Variants in UBR1 observed in about 807,000 individuals in gnomAD.
UBR1 encodes the protein E3 ubiquitin-protein ligase UBR1.
Under a neutral mutation model 242.1 loss-of-function variants are expected in UBR1, and 102 were observed. That is an observed-to-expected ratio of 0.42 (90% CI 0.36 to 0.50). The LOEUF is 0.50. Among genes scored for constraint, UBR1 ranks in the 20% least tolerant of loss-of-function variants. UBR1 has a pLI of 0.01. For synonymous variants in UBR1, 675 were observed against 684.8 expected, an observed-to-expected ratio of 0.99 and a Z score of 0.22; for missense variants, 1,772 against 2,101.8, an observed-to-expected ratio of 0.84 and a Z score of 3.07.
In UBR1 at chr15:43,094,205, G is replaced by A. The variant is rs999264463; in HGVS notation, c.82-7965C>T. On this transcript the variant is annotated intron_variant, in intron 1 of 46. Transcript: ENST00000290650. ...AACACTTTGGGAGGCTGAGGCGGGC[G>A]GATTACTTGAGGTCAGGAGTTTGAG... Among the ~76,000 whole-genome samples, 4 of 152,052 alleles carry A rather than the reference G, an allele frequency of 2.6e-5. No homozygotes were observed. In the South Asian group the frequency reaches 6.2e-4, roughly 24 times the overall value.
intron 6 of UBR1, among the ~76,000 whole-genome samples, chr15:43,061,891 T>C (rs1029740024): frequency 1.3e-5 from 2 of 151,822 alleles, no homozygotes; most frequent in East Asian, 3.9e-4. Flanking sequence ...CATCAAAATC[T>C]CACAAATCAC....
rs1321733993 is a variant in UBR1, at chr15:42,977,917, G to A, written c.4181C>T (p.Thr1394Ile). The A allele has an allele frequency of 2.5e-6, 4 of 1,613,102 alleles. No homozygotes were observed. The highest frequency in any genetic ancestry group is 2.2e-5 in the East Asian group (1 of 44,752). ...VVLPNIKSED[T>I]PCLLSIDLFH... The stretch of plus-strand genomic sequence containing the variant: ...CAGATCTATAGACAGAAGGCATGGT[G>A]TATCTTCTGATTTTATGTTAGGAAG... The change falls in exon 38 of 47, where the codon ACA becomes ATA. Residue 1394 changes from threonine to isoleucine, a missense_variant. This residue lies in a region of UBR1 where 965 missense variants were observed against 1,079.7 expected (regional missense o/e 0.89). Transcript: ENST00000290650.
rs774831690 is a variant in UBR1, at chr15:43,059,090, T to C, written c.1088A>G (p.Tyr363Cys). Reference protein sequence around the residue: ...SRLMLWDAKLYKGARKILHEL... With the variant: ...SRLMLWDAKLCKGARKILHEL... ...ATAAGCAAATGTCTACTTACCTTTA[T>C]AAAGCTTTGCATCCCAAAGCATTAA... Residue 363 changes from tyrosine (Y) to cysteine (C), a missense_variant, in exon 9 of 47, where the codon TAT (tyrosine) becomes TGT (cysteine). Tyr to Cys is a radical substitution (Grantham distance 194). Transcript: ENST00000290650. 1 of 1,613,884 alleles carries C rather than the reference T, an allele frequency of 6.2e-7. No homozygotes were observed. Among genetic ancestry groups the C allele is most frequent in the Admixed American group, 1.7e-5 (1 of 60,028 alleles).
At chr15:43,047,437 A>G in intron 13 of UBR1, 148 bp from the exon 14 acceptor site, 3 of 1,208,112 alleles carry the variant, frequency 2.5e-6, no homozygotes, top group Non-Finnish European at 2.4e-6. Flanking sequence ...CCCAGCTCTC[A>G]GGTATGTGCT....
chr15:43,063,387 G>GT (rs1214274988), intron 6 of UBR1, among the ~76,000 whole-genome samples: 1 of 152,156 alleles, frequency 6.6e-6, no homozygotes, highest in Admixed American at 6.5e-5. Context: ...ACTGGTATGT[G>GT]TTTTTTTAGA....
intron 2 of UBR1, among the ~76,000 whole-genome samples, chr15:43,085,210 T>G (rs921370527): frequency 6.6e-6 from 1 of 152,242 alleles, no homozygotes; most frequent in Non-Finnish European, 1.5e-5. Context: ...TTAAATGACA[T>G]GCGACTACAG....
At chr15:43,009,544 A>G (rs1033957495) in intron 29 of UBR1, among the ~76,000 whole-genome samples, 11 of 152,218 alleles carry the variant, frequency 7.2e-5, no homozygotes, top group African/African-American at 2.2e-4. Flanking sequence ...AGACCAAGCA[A>G]AATTCTGGCA....
intron 46 of UBR1, among the ~76,000 whole-genome samples, chr15:42,945,894 C>T (rs1336802119): frequency 6.6e-6 from 1 of 152,148 alleles, no homozygotes; most frequent in Non-Finnish European, 1.5e-5. Context: ...TATTTTGCTA[C>T]TCAGAGATAT....
At chr15:43,038,631 T>A (rs988500647) in intron 15 of UBR1, among the ~76,000 whole-genome samples, 1 of 152,088 alleles carries the variant, frequency 6.6e-6, no homozygotes, top group Non-Finnish European at 1.5e-5. Flanking sequence ...GTTAAATGTA[T>A]GTTTACTGAG....
chr15:43,029,566 T>C (rs146125537), intron 21 of UBR1, among the ~76,000 whole-genome samples: 23 of 152,302 alleles, frequency 1.5e-4, no homozygotes, highest in African/African-American at 5.1e-4. Flanking sequence ...GGGAATCAGA[T>C]TGGCATCAGA....
intron 46 of UBR1, among the ~76,000 whole-genome samples, chr15:42,947,960 A>G (rs926899454): frequency 3.3e-5 from 5 of 152,210 alleles, no homozygotes; most frequent in African/African-American, 1.2e-4. Flanking sequence ...GAACCAAAAA[A>G]GAGCCTGCAT....
chr15:42,966,833 A>G (rs1195979928), intron 40 of UBR1, among the ~76,000 whole-genome samples: 2 of 152,184 alleles, frequency 1.3e-5, no homozygotes, highest in African/African-American at 4.8e-5. Context: ...AAAAAACAAA[A>G]GCAAAACAAA....
intron 37 of UBR1, among the ~76,000 whole-genome samples, chr15:42,980,218 G>A (rs1335755726): frequency 1.3e-5 from 2 of 152,080 alleles, no homozygotes; most frequent in Non-Finnish European, 2.9e-5. Flanking sequence ...AGTTTAAAAT[G>A]ATTTTTCTTT....
intron 1 of UBR1, among the ~76,000 whole-genome samples, chr15:43,094,988 T>C (rs2034142453): frequency 6.6e-6 from 1 of 152,222 alleles, no homozygotes; most frequent in African/African-American, 2.4e-5. Flanking sequence ...ATTCTCTTTT[T>C]CATCTCTGTC....
intron 32 of UBR1, among the ~76,000 whole-genome samples, chr15:42,998,753 T>C (rs1311330704): frequency 6.6e-6 from 1 of 152,200 alleles, no homozygotes; most frequent in Non-Finnish European, 1.5e-5. Flanking sequence ...CTCTTGTGTT[T>C]CATTTAAGTA....
At chr15:43,057,198 G>T (rs1377756928) in intron 10 of UBR1, among the ~76,000 whole-genome samples, 1 of 152,178 alleles carries the variant, frequency 6.6e-6, no homozygotes, top group African/African-American at 2.4e-5. Context: ...TTCTATATCT[G>T]AAGAGTTTTA....
intron 45 of UBR1, among the ~76,000 whole-genome samples, chr15:42,951,230 C>CT (rs1420509361): frequency 6.6e-6 from 1 of 151,996 alleles, no homozygotes; most frequent in Admixed American, 6.6e-5. Context: ...GACTATTTTT[C>CT]TTTTTTTTCC....
At chr15:42,948,380 T>TC (rs2031772756) in intron 46 of UBR1, among the ~76,000 whole-genome samples, 1 of 152,146 alleles carries the variant, frequency 6.6e-6, no homozygotes, top group African/African-American at 2.4e-5. Flanking sequence ...GGCAAGGACT[T>TC]CATGTCTAAA....
intron 40 of UBR1, among the ~76,000 whole-genome samples, chr15:42,970,007 T>C (rs2032176742): frequency 6.6e-6 from 1 of 152,128 alleles, no homozygotes; most frequent in Admixed American, 6.6e-5. Context: ...AAATTTCACA[T>C]GGAACCAAAA....
Sources: gnomAD v4.1 joint callset for allele counts (sites outside exome capture counted in the v4.1 genomes callset) on GRCh38, gnomAD v4.1.1 for gene constraint, gnomAD v4.1.1 regional missense constraint, MANE v1.5 for transcripts, NCBI Gene and HGNC (gene_info 2026-07-23, HGNC 2026-07-21) for gene names.